GAS2L3: variants seen among roughly 807,000 people sequenced by gnomAD.
GAS2L3 encodes GAS2-like protein 3.
Under a neutral mutation model 37.0 loss-of-function variants are expected in GAS2L3, and 28 were observed. The ratio of observed to expected loss-of-function variants is 0.76; its 90% CI spans 0.56 to 1.04. The LOEUF is 1.04. Ranked by LOEUF, GAS2L3 falls within the 50% of genes least tolerant of loss-of-function variation. GAS2L3 has a pLI of 0.00. For missense variants in GAS2L3, 793 were observed against 817.6 expected (o/e 0.97, Z 0.37); for synonymous variants, 290 against 296.6 (o/e 0.98, Z 0.23).
At chr12:100,586,953 T>G (rs959218706) in intron 1 of GAS2L3, among the ~76,000 whole-genome samples, 7 of 152,096 alleles carry the variant, frequency 4.6e-5, no homozygotes, top group African/African-American at 1.7e-4. Flanking sequence ...AACACCTCTA[T>G]GCACATAAAC....
At chr12:100,612,836 T>C (rs780969650) in intron 6 of GAS2L3, among the ~76,000 whole-genome samples, 1 of 152,154 alleles carries the variant, frequency 6.6e-6, no homozygotes. Context: ...TTGTCTGCCC[T>C]GGTAGAAGTT....
rs1019188555 is a variant in GAS2L3 at position 100,601,829 on chromosome 12, G to T, written c.303+76G>T. On this transcript the variant is annotated intron_variant, in intron 5 of 9. Coordinates refer to ENST00000547754, the MANE Select transcript of GAS2L3 (RefSeq NM_174942.3). ...TATGTACACTTCTTATCTCTAGAAG[G>T]TTGTAAACTTCCATGCCAACTGGCT... The T allele has an allele frequency of 7.5e-6, 5 of 668,484 alleles. No individual in the cohort carries two copies. In the African/African-American group the frequency reaches 9.3e-5, roughly 12 times the overall value. The allele number at this position is 668,484 out of a possible 1,614,324, so 41.4% of individuals were successfully genotyped here. A position where few individuals can be genotyped will look rare whatever the true frequency, so the allele number is the denominator to read the frequency against.
intron 1 of GAS2L3, among the ~76,000 whole-genome samples, chr12:100,589,729 A>T (rs1438766508): frequency 1.3e-5 from 2 of 152,202 alleles, no homozygotes; most frequent in African/African-American, 4.8e-5. Flanking sequence ...ACATAGGCAC[A>T]TAGGAAATGG....
In GAS2L3 at chr12:100,624,762, G is replaced by T; in HGVS notation, c.1957G>T (p.Ala653Ser). ...GCCTCCCAGAAGTGGCAAAACCCCAGCTTCAATCAGGAAACCACCCTCATC... is the reference window on the plus strand; with the variant it reads ...GCCTCCCAGAAGTGGCAAAACCCCATCTTCAATCAGGAAACCACCCTCATC... The part of the protein sequence containing the change: ...KGPPRSGKTP[A>S]SIRKPPSSVK... The change falls in exon 10 of 10, where the codon GCT (alanine) becomes TCT (serine). Residue 653 changes from alanine to serine, a missense_variant. Transcript: ENST00000547754. 6.2e-7 allele frequency: 1 copy of T among 1,613,794 alleles called. No individual in the cohort carries two copies. The highest frequency in any genetic ancestry group is 2.2e-5 in the East Asian group (1 of 44,868).
intron 6 of GAS2L3, 25 bp downstream of exon 6, chr12:100,612,166 G>A (rs766442541): frequency 5.6e-6 from 9 of 1,602,256 alleles, no homozygotes; most frequent in Middle Eastern, 3.3e-4. Context: ...TGTCATTCTT[G>A]TTTTTAATGC....
chr12:100,604,428 AT>A (rs1163781409), intron 5 of GAS2L3, among the ~76,000 whole-genome samples: 1 of 138,340 alleles, frequency 7.2e-6, no homozygotes, highest in Non-Finnish European at 1.6e-5. Flanking sequence ...TTGTATGTTG[AT>A]TTTGTGTCCT....
intron 1 of GAS2L3, 87 bp from the exon 2 acceptor site, chr12:100,591,645 GCTAA>G (rs1174871995): frequency 2.6e-5 from 4 of 152,036 alleles, no homozygotes; most frequent in African/African-American, 7.3e-5. Flanking sequence ...TTTGTTAAGT[GCTAA>G]CTGTGTATCT....
At chr12:100,615,410 A>T (rs1320881550) in intron 6 of GAS2L3, among the ~76,000 whole-genome samples, 8 of 152,214 alleles carry the variant, frequency 5.3e-5, no homozygotes, top group African/African-American at 1.9e-4. Flanking sequence ...GCCATATTAG[A>T]TAAGATTTGC....
At chr12:100,606,985 T>G (rs965771501) in intron 5 of GAS2L3, among the ~76,000 whole-genome samples, 2 of 152,180 alleles carry the variant, frequency 1.3e-5, no homozygotes, top group African/African-American at 2.4e-5. Flanking sequence ...TTCAGATGAT[T>G]TCTTATTGCT....
intron 8 of GAS2L3, among the ~76,000 whole-genome samples, chr12:100,621,882 G>A (rs7973857): frequency 0.4 from 32,840 of 81,250 alleles, 7,386 homozygotes; most frequent in Non-Finnish European, 0.49. Context: ...GGTGGGGGGG[G>A]GAGAGAGAGA....
intron 3 of GAS2L3, among the ~76,000 whole-genome samples, chr12:100,598,600 A>G (rs777205646): frequency 1.5e-4 from 23 of 152,146 alleles, no homozygotes; most frequent in Non-Finnish European, 3.1e-4. Flanking sequence ...GAAACTATGT[A>G]AAAATCCCAT....
At chr12:100,587,698 C>T (rs1030896950) in intron 1 of GAS2L3, among the ~76,000 whole-genome samples, 22 of 152,180 alleles carry the variant, frequency 1.4e-4, no homozygotes, top group African/African-American at 4.6e-4. Flanking sequence ...CCACTCTGAC[C>T]ACTCCTCTTC....
In GAS2L3 at chr12:100,627,063, T is replaced by A. The variant is rs1485562552; in HGVS notation, c.*2173T>A. Among the ~76,000 whole-genome samples the A allele has an allele frequency of 7.1e-6, 1 of 140,000 alleles. No individual in the cohort carries two copies. The highest frequency in any genetic ancestry group is 2.7e-5 in the African/African-American group (1 of 37,196). The allele number at this position is 140,000 out of a possible 152,430, so 91.8% of individuals were successfully genotyped here. On this transcript the variant is annotated 3_prime_UTR_variant, in exon 10 of 10. Transcript: ENST00000547754. ...AAGATTGCGCCACTGCACTCCAGCCTGGGCAACAGAGTGAGACTCTGTCTC... is the reference window on the plus strand; with the variant it reads ...AAGATTGCGCCACTGCACTCCAGCCAGGGCAACAGAGTGAGACTCTGTCTC...
At position 100,618,455 on chromosome 12, in the gene GAS2L3, G is replaced by A. The variant is rs1361163880; in HGVS notation, c.516G>A (p.Gly172=). 1.2e-6 allele frequency: 2 copies of A among 1,608,054 alleles called. No individual in the cohort carries two copies. Among genetic ancestry groups the A allele is most frequent in the Non-Finnish European group, 1.7e-6 (2 of 1,177,352 alleles). ...LEIGRIVSRY[G]VEPPVLVKLE... ...TCTCCTGGTTGGTTTTCAGATACGG[G>A]GTTGAGCCACCAGTGTTAGTAAAAC... is the stretch of plus-strand genomic sequence containing the variant. The change falls in exon 8 of 10, where the codon GGG becomes GGA. Residue 172 remains glycine (G), a synonymous_variant. Coordinates refer to ENST00000547754, the MANE Select transcript of GAS2L3 (RefSeq NM_174942.3).
chr12:100,579,011 T>C (rs1213042750), intron 1 of GAS2L3: 1 of 835,308 alleles, frequency 1.2e-6, no homozygotes, highest in Admixed American at 1.8e-5. Flanking sequence ...CCTCAAAGTC[T>C]ATTACTTGCC....
intron 1 of GAS2L3, among the ~76,000 whole-genome samples, chr12:100,589,743 A>G (rs1296495211): frequency 2.0e-5 from 3 of 152,212 alleles, no homozygotes; most frequent in Non-Finnish European, 2.9e-5. Context: ...GAAATGGAAC[A>G]GAATAGAGAA....
intron 1 of GAS2L3, among the ~76,000 whole-genome samples, chr12:100,575,563 C>T (rs111467335): frequency 0.019 from 2,679 of 143,318 alleles, 93 homozygotes; most frequent in African/African-American, 0.066. Context: ...CTCACTGCAA[C>T]CTCTGCCTCC....
chr12:100,621,002 G>A (rs77881098), intron 8 of GAS2L3, among the ~76,000 whole-genome samples: 2,286 of 152,074 alleles, frequency 0.015, 61 homozygotes, highest in African/African-American at 0.052. Flanking sequence ...TTGTTTATAC[G>A]CACGTTATTT....
chr12:100,622,329 G>C lies in GAS2L3; in HGVS notation c.703G>C (p.Glu235Gln). The change falls in exon 9 of 10, where the codon GAG becomes CAG. Residue 235 changes from glutamate to glutamine, a missense_variant. Transcript: ENST00000547754. Reference protein sequence around the residue: ...PCSCSHRFSIEYLSEGRYRLG... With the variant: ...PCSCSHRFSIQYLSEGRYRLG... Reference sequence around the variant, plus strand: ...TAGTTGTTCTCATCGATTTTCTATTGAGTATTTATCTGAAGGACGGTACCG... The same window carrying C: ...TAGTTGTTCTCATCGATTTTCTATTCAGTATTTATCTGAAGGACGGTACCG... The C allele has an allele frequency of 6.2e-7, 1 of 1,605,716 alleles. No individual in the cohort carries two copies.
Sources: allele counts gnomAD v4.1 joint callset (sites outside exome capture counted in the v4.1 genomes callset), GRCh38; gene constraint gnomAD v4.1.1; transcripts MANE v1.5; gene names NCBI Gene and HGNC (gene_info 2026-07-23, HGNC 2026-07-21).